The following CCNY variants were observed in gnomAD, a reference collection of about 807,000 sequenced individuals.
CCNY encodes cyclin-Y.
In CCNY, 19 loss-of-function variants were observed where a neutral mutation model predicts 42.8. The observed-to-expected ratio is 0.44, with a 90% CI of 0.31 to 0.65. The LOEUF is 0.65. Among genes scored for constraint, CCNY ranks in the 30% least tolerant of loss-of-function variants. CCNY has a pLI of 0.07. For synonymous variants in CCNY, 165 were observed against 162.7 expected, an observed-to-expected ratio of 1.01 and a Z score of -0.11; for missense variants, 370 against 437.3, an observed-to-expected ratio of 0.85 and a Z score of 1.37.
chr10:35,388,566 G>A (rs1837344359), intron 1 of CCNY, among the ~76,000 whole-genome samples: 2 of 152,134 alleles, frequency 1.3e-5, no homozygotes, highest in Non-Finnish European at 2.9e-5. Flanking sequence ...TGTTGGGTGT[G>A]GCTGATGGAA....
intron 7 of CCNY, among the ~76,000 whole-genome samples, chr10:35,532,451 A>G (rs544931876): frequency 6.6e-6 from 1 of 152,372 alleles, no homozygotes; most frequent in South Asian, 2.1e-4. Context: ...GAGAGCCTAC[A>G]GGCCCTTCAA....
intron 7 of CCNY, among the ~76,000 whole-genome samples, chr10:35,536,394 TAGC>T (rs1443716686): frequency 6.6e-6 from 1 of 152,168 alleles, no homozygotes; most frequent in Non-Finnish European, 1.5e-5. Context: ...AGTAAATTGG[TAGC>T]AGTAGAGTGG....
intron 3 of CCNY, among the ~76,000 whole-genome samples, chr10:35,269,171 T>C (rs974879304): frequency 6.6e-6 from 1 of 152,218 alleles, no homozygotes; most frequent in African/African-American, 2.4e-5. Flanking sequence ...GATTTTCTCT[T>C]TAACTGATTC....
chr10:35,313,570 T>A (rs1835715148), intron 3 of CCNY, among the ~76,000 whole-genome samples: 1 of 152,214 alleles, frequency 6.6e-6, no homozygotes. Flanking sequence ...TTCACCTTGC[T>A]CTGGGCTCCA....
intron 1 of CCNY, among the ~76,000 whole-genome samples, chr10:35,479,584 C>T (rs1312135435): frequency 2.6e-5 from 3 of 115,284 alleles, no homozygotes; most frequent in Non-Finnish European, 4.9e-5. Flanking sequence ...GGAAGGGGAA[C>T]ATCACACTCT....
intron 2 of CCNY, 119 bp downstream of exon 2, chr10:35,483,597 A>T: frequency 1.6e-6 from 1 of 621,672 alleles, no homozygotes; most frequent in South Asian, 2.2e-5. Flanking sequence ...AGTGACCCAC[A>T]CATATACTGT....
intron 1 of CCNY, among the ~76,000 whole-genome samples, chr10:35,409,297 G>C (rs750146894): frequency 6.6e-6 from 1 of 152,202 alleles, no homozygotes; most frequent in Admixed American, 6.5e-5. Flanking sequence ...GCCCAGGTCA[G>C]AACAGTTACA....
chr10:35,456,156 T>C (rs987431295), intron 1 of CCNY, among the ~76,000 whole-genome samples: 12 of 151,090 alleles, frequency 7.9e-5, no homozygotes, highest in Non-Finnish European at 1.8e-4. Flanking sequence ...CACTCACACA[T>C]GTGTTCAAGG....
At chr10:35,477,234 C>T (rs1489081420) in intron 1 of CCNY, among the ~76,000 whole-genome samples, 1 of 152,158 alleles carries the variant, frequency 6.6e-6, no homozygotes, top group Non-Finnish European at 1.5e-5. Flanking sequence ...ACCTTTCCTT[C>T]TGAAACGATT....
intron 1 of CCNY, among the ~76,000 whole-genome samples, chr10:35,340,022 ATTAC>A (rs1836138473): frequency 6.6e-6 from 1 of 152,208 alleles, no homozygotes; most frequent in Admixed American, 6.5e-5. Context: ...CAGCCTATGT[ATTAC>A]TTACTCTGTA....
At chr10:35,474,146 A>G (rs566608196) in intron 1 of CCNY, among the ~76,000 whole-genome samples, 1 of 152,118 alleles carries the variant, frequency 6.6e-6, no homozygotes, top group Admixed American at 6.5e-5. Flanking sequence ...GGAGGGTCCT[A>G]CCCCACGGAG....
At chr10:35,455,067 C>G (rs1459437553) in intron 1 of CCNY, among the ~76,000 whole-genome samples, 1 of 152,164 alleles carries the variant, frequency 6.6e-6, no homozygotes, top group African/African-American at 2.4e-5. Flanking sequence ...AAAATACTGC[C>G]TCCCCTCACC....
rs530814532 is a variant in CCNY at position 35,524,503 on chromosome 10, C to T, written c.366-1461C>T. On this transcript the variant is annotated intron_variant, in intron 4 of 9. Transcript: ENST00000374704. ...TGCTTTGGAATCCAAGGTGCGTGCT[C>T]ATGTCTCTAAGCCGGTGTGGCTGAG... is the stretch of plus-strand genomic sequence containing the variant. Among the ~76,000 whole-genome samples, 76 of 152,312 alleles carry T rather than the reference C, an allele frequency of 5.0e-4. 1 individual carries two copies. The highest frequency in any genetic ancestry group is 1.0e-3 in the Non-Finnish European group (68 of 68,030).
intron 1 of CCNY, among the ~76,000 whole-genome samples, chr10:35,401,590 A>ATTTTTTTT: frequency 6.6e-6 from 1 of 151,178 alleles, no homozygotes. Flanking sequence ...TTTGCTCAAA[A>ATTTTTTTT]TTAGCAGTAG....
At chr10:35,269,028 G>A (rs1054982022) in intron 3 of CCNY, among the ~76,000 whole-genome samples, 2 of 152,286 alleles carry the variant, frequency 1.3e-5, no homozygotes, top group South Asian at 2.1e-4. Context: ...CCTTCTATGC[G>A]TACTTATCTC....
chr10:35,510,590 G>A (rs1296314909), intron 3 of CCNY, among the ~76,000 whole-genome samples: 1 of 152,090 alleles, frequency 6.6e-6, no homozygotes, highest in African/African-American at 2.4e-5. Context: ...ATTGAAAATG[G>A]GAAGTTAAAG....
chr10:35,260,167 T>A (rs1413091847), intron 3 of CCNY, among the ~76,000 whole-genome samples: 2 of 152,206 alleles, frequency 1.3e-5, no homozygotes. Flanking sequence ...TCTTGTGGTA[T>A]CATGCTACCT....
intron 1 of CCNY, among the ~76,000 whole-genome samples, chr10:35,386,879 G>C (rs1290281840): frequency 6.6e-6 from 1 of 151,916 alleles, no homozygotes; most frequent in African/African-American, 2.4e-5. Flanking sequence ...AGGGGTGGGG[G>C]ATGGTGCAAT....
In CCNY at chr10:35,483,440, G is replaced by C. The variant is rs767710998; in HGVS notation, c.191G>C (p.Arg64Pro). ...NMEFNPSDHP[R>P]ASTIFLSKSQ... ...GAATTCAATCCTTCAGATCATCCTC[G>C]GGCCAGCACAATATTCCTCAGTAAA... is the stretch of plus-strand genomic sequence containing the variant. Residue 64 changes from arginine to proline, a missense_variant, in exon 2 of 10, where the codon CGG becomes CCG. By Grantham distance (103) the Arg-to-Pro change is moderately radical. Around this residue, in one of 2 missense-constraint regions of CCNY, gnomAD observed 136 missense variants for 124.2 expected, o/e 1.09. Transcript: ENST00000374704. 1.2e-6 allele frequency: 2 copies of C among 1,608,250 alleles called. No homozygotes were observed. The highest frequency in any genetic ancestry group is 2.2e-5 in the East Asian group (1 of 44,602).
Sources: gnomAD v4.1 joint callset for allele counts (sites outside exome capture counted in the v4.1 genomes callset) on GRCh38, gnomAD v4.1.1 for gene constraint, gnomAD v4.1.1 regional missense constraint, MANE v1.5 for transcripts, NCBI Gene and HGNC (gene_info 2026-07-23, HGNC 2026-07-21) for gene names.